Variants in SCPEP1 observed in about 807,000 individuals in gnomAD.
The protein encoded by SCPEP1 is retinoid-inducible serine carboxypeptidase.
SCPEP1 carries 51 observed loss-of-function variants against 63.8 expected under a neutral mutation model. The observed-to-expected ratio is 0.80, with a 90% CI of 0.64 to 1.01. The LOEUF is 1.01. SCPEP1 is among the 50% of genes least tolerant of loss of function. The pLI, the probability that SCPEP1 is intolerant of heterozygous loss-of-function variation, is 0.00. For missense variants in SCPEP1, 499 were observed against 554.9 expected, an observed-to-expected ratio of 0.90 and a Z score of 1.01; for synonymous variants, 204 against 207.8, an observed-to-expected ratio of 0.98 and a Z score of 0.16.
At chr17:56,985,090 G>C (rs1292801087) in intron 2 of SCPEP1, 1 of 407,088 alleles carries the variant, frequency 2.5e-6, no homozygotes, top group East Asian at 5.1e-5. Flanking sequence ...GGGTGACAAA[G>C]TTAGACTCTG....
intron 3 of SCPEP1, among the ~76,000 whole-genome samples, chr17:56,985,841 C>T (rs549216796): frequency 5.5e-4 from 84 of 152,158 alleles, no homozygotes; most frequent in African/African-American, 2.0e-3. Flanking sequence ...CTCCTATCCT[C>T]CTACTTGTAT....
chr17:56,995,722 T>C, intron 8 of SCPEP1, 87 bp downstream of exon 8: 1 of 1,413,698 alleles, frequency 7.1e-7, no homozygotes, highest in Non-Finnish European at 9.5e-7. Context: ...AAACTTGGAG[T>C]CTACACTGAG....
chr17:56,979,099 G>C (rs528170082), intron 1 of SCPEP1, among the ~76,000 whole-genome samples: 1 of 152,326 alleles, frequency 6.6e-6, no homozygotes, highest in South Asian at 2.1e-4. Flanking sequence ...AGCTAAGTCT[G>C]TAATGTTTTA....
At chr17:56,991,049 G>A (rs907581408) in intron 5 of SCPEP1, 50 bp from the exon 6 acceptor site, 5 of 1,342,466 alleles carry the variant, frequency 3.7e-6, no homozygotes, top group Non-Finnish European at 1.1e-6. Flanking sequence ...TGGGATTACT[G>A]CGTGAGCCAC....
In SCPEP1 at chr17:56,981,077, T is replaced by G; in HGVS notation, c.77-5T>G. 1 of 1,614,138 alleles carries G rather than the reference T, an allele frequency of 6.2e-7. No homozygotes were observed. ...CTGGAGAGTGAAATTGAACTTCTGT[T>G]TCAGGAGCTGTCATTGACTGGCCCA... On this transcript the variant is annotated splice_region_variant and splice_polypyrimidine_tract_variant and intron_variant, in intron 1 of 12. Transcript: ENST00000262288.
At chr17:57,002,829 C>T (rs1368214670) in intron 12 of SCPEP1, among the ~76,000 whole-genome samples, 3 of 139,958 alleles carry the variant, frequency 2.1e-5, no homozygotes, top group Non-Finnish European at 4.5e-5. Context: ...GAGCCAAGAT[C>T]ATGCCACTGC....
intron 3 of SCPEP1, among the ~76,000 whole-genome samples, chr17:56,986,839 G>A (rs3095489): frequency 6.6e-6 from 1 of 152,150 alleles, no homozygotes; most frequent in Admixed American, 6.5e-5. Flanking sequence ...GCCACCGTGC[G>A]CGGCCTCTGG....
Position 56,988,297 on chromosome 17 carries a change from G to GA in SCPEP1, c.546+11dup. 2 of 1,600,454 alleles carry GA rather than the reference G, an allele frequency of 1.2e-6. No homozygotes were observed. The highest frequency in any genetic ancestry group is 1.7e-6 in the Non-Finnish European group (2 of 1,170,690). ...TGGTCTAGAGCTTTATAAGGTAATG[G>GA]AAAATAACTTTGTTGTTATGGTTTT... On this transcript the variant is annotated splice_region_variant and intron_variant, in intron 5 of 12. Transcript: ENST00000262288.
chr17:56,996,099 A>G (rs991700501), intron 8 of SCPEP1, among the ~76,000 whole-genome samples: 1 of 152,192 alleles, frequency 6.6e-6, no homozygotes, highest in African/African-American at 2.4e-5. Context: ...ATCACTGCTC[A>G]TATGAGATGC....
chr17:56,981,754 G>A (rs1268847312), intron 2 of SCPEP1, among the ~76,000 whole-genome samples: 4 of 152,282 alleles, frequency 2.6e-5, no homozygotes, highest in Non-Finnish European at 4.4e-5. Flanking sequence ...CCCGGGAGGC[G>A]GAGGTAGCAG....
intron 12 of SCPEP1, 38 bp from the exon 13 acceptor site, chr17:57,006,135 G>A (rs990817083): frequency 1.0e-5 from 16 of 1,548,090 alleles, no homozygotes; most frequent in Non-Finnish European, 1.4e-5. Context: ...CCCAGGAATA[G>A]CACCAGGAGC....
intron 1 of SCPEP1, among the ~76,000 whole-genome samples, chr17:56,979,954 G>T (rs1239353229): frequency 6.6e-6 from 1 of 151,844 alleles, no homozygotes; most frequent in Non-Finnish European, 1.5e-5. Flanking sequence ...TTAATTGCTT[G>T]ATCCTCATGG....
rs1345446895 is a variant in SCPEP1 at position 56,996,964 on chromosome 17, C to G, written c.789C>G (p.Asn263Lys). Reference protein sequence around the residue: ...WGKAEMIIEQNTDGVNFYNIL... With the variant: ...WGKAEMIIEQKTDGVNFYNIL... ...CCAAATAAACTTTTATATTTCAGAA[C>G]ACAGATGGGGTGAACTTCTATAACA... Residue 263 changes from asparagine (N) to lysine (K), a missense_variant and splice_region_variant, in exon 9 of 13, where the codon AAC becomes AAG. Asn to Lys is a moderately conservative substitution (Grantham distance 94). Coordinates refer to ENST00000262288, the MANE Select transcript of SCPEP1 (RefSeq NM_021626.3). The G allele has an allele frequency of 4.4e-6, 7 of 1,596,324 alleles. No individual in the cohort carries two copies. Among genetic ancestry groups the G allele is most frequent in the Non-Finnish European group, 5.1e-6 (6 of 1,172,058 alleles).
At chr17:56,997,089 C>A in intron 9 of SCPEP1, 34 bp downstream of exon 9, 2 of 1,315,762 alleles carry the variant, frequency 1.5e-6, no homozygotes, top group South Asian at 1.5e-5. Flanking sequence ...AAGTCCCTGC[C>A]TCAGCCTCCA....
chr17:56,991,257 A>T, intron 6 of SCPEP1, 86 bp downstream of exon 6: 1 of 1,018,586 alleles, frequency 9.8e-7, no homozygotes, highest in Admixed American at 1.7e-5. Context: ...CAGATCAAAG[A>T]GCTAAGCAGG....
chr17:57,005,935 T>TA (rs1911878016), intron 12 of SCPEP1, among the ~76,000 whole-genome samples: 1 of 152,226 alleles, frequency 6.6e-6, no homozygotes, highest in East Asian at 1.9e-4. Flanking sequence ...GTTCTTGTCT[T>TA]AAATGCTGAC....
chr17:56,991,489 G>A (rs561070719), intron 6 of SCPEP1, among the ~76,000 whole-genome samples: 2 of 152,312 alleles, frequency 1.3e-5, no homozygotes, highest in South Asian at 2.1e-4. Flanking sequence ...TTCAAATCCA[G>A]GTCTGTGCTG....
intron 9 of SCPEP1, chr17:56,998,110 A>C (rs1911624047): frequency 3.0e-6 from 1 of 337,394 alleles, no homozygotes; most frequent in African/African-American, 2.1e-5. Context: ...CAAGAGATCG[A>C]GACCATCCTG....
At chr17:56,995,386 T>G (rs987605426) in intron 7 of SCPEP1, 121 bp from the exon 8 acceptor site, 2 of 1,031,218 alleles carry the variant, frequency 1.9e-6, no homozygotes, top group Non-Finnish European at 2.9e-6. Context: ...CAATACACTT[T>G]GATATGTGAG....
Sources: gnomAD v4.1 joint callset for allele counts (sites outside exome capture counted in the v4.1 genomes callset) on GRCh38, gnomAD v4.1.1 for gene constraint, MANE v1.5 for transcripts, NCBI Gene and HGNC (gene_info 2026-07-23, HGNC 2026-07-21) for gene names.